Variants in MAGI2 observed in about 807,000 individuals in gnomAD.
MAGI2 encodes membrane-associated guanylate kinase, WW and PDZ domain-containing protein 2.
A neutral mutation model predicts 133.3 loss-of-function variants in MAGI2; 35 were observed. That is an observed-to-expected ratio of 0.26 (90% CI 0.20 to 0.35). The LOEUF is 0.35. Among genes scored for constraint, MAGI2 ranks in the 10% least tolerant of loss-of-function variants. The pLI, the probability that MAGI2 is intolerant of heterozygous loss-of-function variation, is 1.00. For synonymous variants in MAGI2, 729 were observed against 710.6 expected, an observed-to-expected ratio of 1.03 and a Z score of -0.41; for missense variants, 1,636 against 1,863.4, an observed-to-expected ratio of 0.88 and a Z score of 2.25.
intron 6 of MAGI2, among the ~76,000 whole-genome samples, chr7:78,413,176 AG>A (rs1798009659): frequency 6.6e-6 from 1 of 152,052 alleles, no homozygotes; most frequent in African/African-American, 2.4e-5. Flanking sequence ...TAGTCTTTTA[AG>A]GTTCTTCTCT....
At chr7:79,190,655 G>C (rs1827569821) in intron 1 of MAGI2, among the ~76,000 whole-genome samples, 1 of 151,644 alleles carries the variant, frequency 6.6e-6, no homozygotes, top group African/African-American at 2.4e-5. Flanking sequence ...AATAAACAAG[G>C]CTTTTTGGTT....
At chr7:78,930,112 A>G (rs1384248252) in intron 2 of MAGI2, among the ~76,000 whole-genome samples, 1 of 152,084 alleles carries the variant, frequency 6.6e-6, no homozygotes, top group East Asian at 1.9e-4. Context: ...AAAGAAGAAA[A>G]TGTTTACAAG....
chr7:79,184,012 G>T (rs537283286), intron 1 of MAGI2, among the ~76,000 whole-genome samples: 1 of 151,744 alleles, frequency 6.6e-6, no homozygotes, highest in African/African-American at 2.4e-5. Flanking sequence ...AAGCAGAGAA[G>T]TTGATCGAAC....
chr7:78,367,025 A>G (rs771678425), intron 7 of MAGI2, among the ~76,000 whole-genome samples: 8 of 151,996 alleles, frequency 5.3e-5, no homozygotes, highest in Non-Finnish European at 8.8e-5. Flanking sequence ...ACTACATTCT[A>G]TATAATACTC....
intron 2 of MAGI2, chr7:78,902,653 A>G (rs902291165): frequency 6.6e-6 from 1 of 152,182 alleles, no homozygotes; most frequent in Non-Finnish European, 1.5e-5. Context: ...ACAGAAAATC[A>G]ATAGAACTTT....
intron 4 of MAGI2, among the ~76,000 whole-genome samples, chr7:78,516,684 T>C (rs1796072338): frequency 6.6e-6 from 1 of 152,104 alleles, no homozygotes; most frequent in Admixed American, 6.5e-5. Flanking sequence ...AATTTTTACC[T>C]ATGGTGGAAT....
intron 1 of MAGI2, among the ~76,000 whole-genome samples, chr7:79,046,977 T>C (rs1812233648): frequency 6.6e-6 from 1 of 152,186 alleles, no homozygotes; most frequent in South Asian, 2.1e-4. Flanking sequence ...AATTTCATTT[T>C]CTTGTTAAAT....
At chr7:78,342,259 C>T (rs1241525377) in intron 9 of MAGI2, among the ~76,000 whole-genome samples, 1 of 152,108 alleles carries the variant, frequency 6.6e-6, no homozygotes, top group African/African-American at 2.4e-5. Flanking sequence ...AATGAGATAC[C>T]ATCTCATGCC....
At chr7:78,892,411 C>T (rs1796841623) in intron 2 of MAGI2, among the ~76,000 whole-genome samples, 1 of 152,060 alleles carries the variant, frequency 6.6e-6, no homozygotes, top group Non-Finnish European at 1.5e-5. Context: ...AAAAAGAGCC[C>T]ACATCACCAA....
chr7:78,651,558 C>A (rs1393813425), intron 2 of MAGI2, among the ~76,000 whole-genome samples: 1 of 151,940 alleles, frequency 6.6e-6, no homozygotes, highest in Non-Finnish European at 1.5e-5. Flanking sequence ...GAAACCCTCC[C>A]AGAAAATAAC....
intron 1 of MAGI2, among the ~76,000 whole-genome samples, chr7:79,349,880 A>C (rs848934): frequency 0.13 from 20,466 of 151,962 alleles, 1,520 homozygotes; most frequent in Middle Eastern, 0.2. Context: ...AGGTGCTTAC[A>C]CTAAGATTCT....
intron 2 of MAGI2, among the ~76,000 whole-genome samples, chr7:78,739,542 G>C (rs1218494106): frequency 6.6e-6 from 1 of 152,108 alleles, no homozygotes; most frequent in Non-Finnish European, 1.5e-5. Context: ...TGCCCATGTA[G>C]GAAACACGAG....
At chr7:78,175,593 C>T (rs532074155) in intron 14 of MAGI2, among the ~76,000 whole-genome samples, 25 of 152,248 alleles carry the variant, frequency 1.6e-4, no homozygotes, top group Non-Finnish European at 3.1e-4. Context: ...AACCAGTGCA[C>T]GGCGAACCTA....
At chr7:78,473,721 G>A (rs1171253987) in intron 6 of MAGI2, among the ~76,000 whole-genome samples, 1 of 152,030 alleles carries the variant, frequency 6.6e-6, no homozygotes, top group Middle Eastern at 3.4e-3. Flanking sequence ...CTTCCCTTAT[G>A]CAGTTATACA....
chr7:78,664,317 A>C (rs1002754753), intron 2 of MAGI2, among the ~76,000 whole-genome samples: 2 of 152,112 alleles, frequency 1.3e-5, no homozygotes, highest in Non-Finnish European at 2.9e-5. Flanking sequence ...ATGAAACCTT[A>C]ATTTTTCCCT....
chr7:78,736,140 T>C (rs761726551), intron 2 of MAGI2, among the ~76,000 whole-genome samples: 6 of 152,208 alleles, frequency 3.9e-5, no homozygotes, highest in Non-Finnish European at 8.8e-5. Flanking sequence ...GAATATCAAA[T>C]GTACCAATAC....
chr7:78,953,970 T>C (rs1802076048), intron 2 of MAGI2, among the ~76,000 whole-genome samples: 1 of 152,128 alleles, frequency 6.6e-6, no homozygotes, highest in Admixed American at 6.5e-5. Context: ...AGATCTAAAA[T>C]TTTCATTTGA....
At chr7:78,569,050 C>A (rs1373127112) in intron 3 of MAGI2, among the ~76,000 whole-genome samples, 1 of 151,984 alleles carries the variant, frequency 6.6e-6, no homozygotes, top group East Asian at 1.9e-4. Flanking sequence ...GCTCAGATAT[C>A]TTGTTATCAG....
intron 21 of MAGI2, among the ~76,000 whole-genome samples, chr7:78,026,944 C>T (rs1305787164): frequency 1.3e-5 from 2 of 152,152 alleles, no homozygotes; most frequent in Admixed American, 1.3e-4. Context: ...ATGCCAGGCA[C>T]TCTTTGAAGG....
Sources: allele counts gnomAD v4.1 joint callset (sites outside exome capture counted in the v4.1 genomes callset), GRCh38; gene constraint gnomAD v4.1.1; transcripts MANE v1.5; gene names NCBI Gene and HGNC (gene_info 2026-07-23, HGNC 2026-07-21).